Variants in TRPM3 observed in about 807,000 individuals in gnomAD.
The protein encoded by TRPM3 is long transient receptor potential channel 3.
A neutral mutation model predicts 181.2 loss-of-function variants in TRPM3; 77 were observed. The ratio of observed to expected loss-of-function variants is 0.42; its 90% CI spans 0.35 to 0.51. The LOEUF is 0.51. Ranked by LOEUF, TRPM3 falls within the 20% of genes least tolerant of loss-of-function variation. The probability of loss-of-function intolerance (pLI) is 0.01; values close to 1 mark genes in which losing one functional copy is unlikely to be tolerated. For synonymous variants in TRPM3, 745 were observed against 796.4 expected, an observed-to-expected ratio of 0.94 and a Z score of 1.09; for missense variants, 1,759 against 2,196.7, an observed-to-expected ratio of 0.80 and a Z score of 3.98.
chr9:71,248,805 AT>A (rs1479411979), intron 1 of TRPM3, among the ~76,000 whole-genome samples: 68 of 152,294 alleles, frequency 4.5e-4, no homozygotes, highest in African/African-American at 1.5e-3. Context: ...CCTGAGCATC[AT>A]GATCATAAAT....
chr9:70,556,766 A>G (rs1270022696), intron 22 of TRPM3, among the ~76,000 whole-genome samples: 1 of 152,146 alleles, frequency 6.6e-6, no homozygotes, highest in Non-Finnish European at 1.5e-5. Context: ...CCATTTTCAA[A>G]TGATCTGACT....
At chr9:71,027,250 C>T (rs2056678641) in intron 1 of TRPM3, among the ~76,000 whole-genome samples, 1 of 152,176 alleles carries the variant, frequency 6.6e-6, no homozygotes, top group Non-Finnish European at 1.5e-5. Flanking sequence ...AGCTAGTCCA[C>T]TGACCACCTT....
chr9:70,786,873 C>G (rs932444185), intron 6 of TRPM3, among the ~76,000 whole-genome samples: 1 of 152,142 alleles, frequency 6.6e-6, no homozygotes, highest in Non-Finnish European at 1.5e-5. Flanking sequence ...AGTTCTAGGA[C>G]TCTTGGATTC....
intron 1 of TRPM3, among the ~76,000 whole-genome samples, chr9:71,351,449 T>C (rs1376755399): frequency 2.6e-5 from 4 of 152,214 alleles, no homozygotes; most frequent in South Asian, 2.1e-4. Flanking sequence ...CAGCTATAAA[T>C]GGCAAAAACT....
At chr9:71,424,968 T>G (rs1489418763) in intron 1 of TRPM3, among the ~76,000 whole-genome samples, 3 of 152,170 alleles carry the variant, frequency 2.0e-5, no homozygotes, top group Admixed American at 6.6e-5. Context: ...AGAATTCATA[T>G]TGCCAGATGA....
intron 1 of TRPM3, among the ~76,000 whole-genome samples, chr9:70,974,665 T>TTTG (rs1459843633): frequency 6.6e-6 from 1 of 150,500 alleles, no homozygotes; most frequent in African/African-American, 2.4e-5. Context: ...GGAGGCGGGG[T>TTTG]TTGCAGTGAG....
chr9:70,966,042 A>G lies in TRPM3; in HGVS notation c.178-101531T>C, dbSNP rs574780564. Among the ~76,000 whole-genome samples the G allele has an allele frequency of 3.5e-3, 539 of 152,004 alleles. 2 individuals carry two copies. Among genetic ancestry groups the G allele is most frequent in the African/African-American group, 0.013 (519 of 41,514 alleles). On this transcript the variant is annotated intron_variant, in intron 1 of 25. Transcript: ENST00000677713. The stretch of plus-strand genomic sequence containing the variant: ...TAAAAAAACAAACAAATTTACAAAA[A>G]AAAAAAACCACAAAGAAACAACCCC...
chr9:70,544,669 G>A (rs768695618), intron 25 of TRPM3, among the ~76,000 whole-genome samples: 25 of 151,866 alleles, frequency 1.6e-4, no homozygotes, highest in Non-Finnish European at 4.4e-5. Flanking sequence ...GGCCTAAAAT[G>A]CATAGGATGA....
intron 16 of TRPM3, 118 bp downstream of exon 16, chr9:70,619,958 G>C: frequency 1.1e-6 from 1 of 936,488 alleles, no homozygotes; most frequent in Non-Finnish European, 1.6e-6. Context: ...TCCTGTGTGT[G>C]CATCACTGGG....
At chr9:70,885,918 A>T (rs2096074741) in intron 1 of TRPM3, among the ~76,000 whole-genome samples, 1 of 152,210 alleles carries the variant, frequency 6.6e-6, no homozygotes, top group Non-Finnish European at 1.5e-5. Context: ...CCTTAATAAT[A>T]CAAAGAAACA....
chr9:70,608,450 A>AAGCTGT (rs1179914439), intron 19 of TRPM3, among the ~76,000 whole-genome samples: 2 of 152,166 alleles, frequency 1.3e-5, no homozygotes, highest in Non-Finnish European at 2.9e-5. Flanking sequence ...TTTGGCTCAA[A>AAGCTGT]AGCTGTAGTT....
chr9:70,783,747 G>T, intron 7 of TRPM3: 1 of 686,388 alleles, frequency 1.5e-6, no homozygotes, highest in Non-Finnish European at 1.8e-6. Flanking sequence ...TGAACCATCT[G>T]GTACAGACTG....
chr9:71,206,564 T>G (rs1164495759), intron 1 of TRPM3, among the ~76,000 whole-genome samples: 2 of 152,230 alleles, frequency 1.3e-5, no homozygotes, highest in African/African-American at 4.8e-5. Flanking sequence ...TAGTTTCTTT[T>G]GCTGTGCAGA....
chr9:71,326,639 C>T (rs1388008143), intron 1 of TRPM3, among the ~76,000 whole-genome samples: 1 of 152,178 alleles, frequency 6.6e-6, no homozygotes, highest in Non-Finnish European at 1.5e-5. Context: ...ATGCAATATT[C>T]ACCCGCATTG....
intron 1 of TRPM3, among the ~76,000 whole-genome samples, chr9:71,414,618 G>A (rs1423619050): frequency 2.0e-5 from 3 of 152,032 alleles, no homozygotes; most frequent in Admixed American, 6.6e-5. Context: ...AAGTTGGACT[G>A]TCAGGGAAAT....
chr9:71,218,324 T>C (rs890586408), intron 1 of TRPM3, among the ~76,000 whole-genome samples: 2 of 152,188 alleles, frequency 1.3e-5, no homozygotes, highest in Non-Finnish European at 2.9e-5. Context: ...GCGCTCTCTA[T>C]ATATTAATTC....
intron 1 of TRPM3, among the ~76,000 whole-genome samples, chr9:71,138,947 G>C (rs1323045544): frequency 1.3e-5 from 2 of 151,990 alleles, no homozygotes; most frequent in African/African-American, 4.8e-5. Context: ...CTAACATATA[G>C]CTTGTATAAA....
At chr9:70,618,764 C>T in intron 17 of TRPM3, 103 bp downstream of exon 17, 1 of 952,928 alleles carries the variant, frequency 1.0e-6, no homozygotes, top group Non-Finnish European at 1.6e-6. Flanking sequence ...AACCTCCCTC[C>T]TGAGATAAGA....
chr9:71,160,660 A>C (rs1419405666), intron 1 of TRPM3, among the ~76,000 whole-genome samples: 1 of 152,136 alleles, frequency 6.6e-6, no homozygotes, highest in Non-Finnish European at 1.5e-5. Flanking sequence ...AGGCCTTCCT[A>C]GATTCCACTG....
Sources: allele counts gnomAD v4.1 joint callset (sites outside exome capture counted in the v4.1 genomes callset), GRCh38; gene constraint gnomAD v4.1.1; transcripts MANE v1.5; gene names NCBI Gene and HGNC (gene_info 2026-07-23, HGNC 2026-07-21).